Variants in TMEM132D observed in about 807,000 individuals in gnomAD.
TMEM132D encodes mature OL transmembrane protein.
TMEM132D carries 21 observed loss-of-function variants against 62.3 expected under a neutral mutation model. The observed-to-expected ratio is 0.34, with a 90% CI of 0.24 to 0.49. The LOEUF (loss-of-function observed/expected upper bound fraction) is 0.49. Ranked by LOEUF, TMEM132D falls within the 20% of genes least tolerant of loss-of-function variation. TMEM132D has a pLI of 0.99. For synonymous variants in TMEM132D, 621 were observed against 575.6 expected (o/e 1.08, Z -1.13); for missense variants, 1,346 against 1,402.8 (o/e 0.96, Z 0.65).
At chr12:129,171,973 C>A (rs945173502) in intron 5 of TMEM132D, among the ~76,000 whole-genome samples, 1 of 152,194 alleles carries the variant, frequency 6.6e-6, no homozygotes, top group African/African-American at 2.4e-5. Flanking sequence ...TCCTTTGGAG[C>A]TCTGAAGCCA....
intron 2 of TMEM132D, among the ~76,000 whole-genome samples, chr12:129,636,238 T>G (rs1056758532): frequency 3.3e-5 from 5 of 152,212 alleles, no homozygotes; most frequent in African/African-American, 1.2e-4. Flanking sequence ...ATCTACAGAA[T>G]GTAGGCCTTC....
chr12:129,209,272 G>A (rs527603745), intron 5 of TMEM132D, among the ~76,000 whole-genome samples: 6 of 152,250 alleles, frequency 3.9e-5, no homozygotes, highest in East Asian at 1.9e-4. Context: ...AAGGGCATTC[G>A]GCGAACACAG....
intron 3 of TMEM132D, among the ~76,000 whole-genome samples, chr12:129,509,969 C>T (rs1875450460): frequency 6.6e-6 from 1 of 152,182 alleles, no homozygotes; most frequent in South Asian, 2.1e-4. Flanking sequence ...GATTCCCTTT[C>T]TTTTGGGTAT....
intron 1 of TMEM132D, among the ~76,000 whole-genome samples, chr12:129,782,231 CCT>C (rs1871139792): frequency 6.6e-6 from 1 of 152,148 alleles, no homozygotes; most frequent in Non-Finnish European, 1.5e-5. Flanking sequence ...GTGAAAATTT[CCT>C]TTGAGCACCA....
rs555863100 is a variant in TMEM132D, at chr12:129,737,692, C to T, written c.80-36994G>A. On this transcript the variant is annotated intron_variant, in intron 1 of 8. Coordinates refer to ENST00000422113, the MANE Select transcript of TMEM132D (RefSeq NM_133448.3). ...CTGGCCCCTATAAAATTTGAATTTG[C>T]AGCATCACTCTAAAAGCAAAGGACC... 1.9e-4 allele frequency among the ~76,000 whole-genome samples: 29 copies of T among 152,346 alleles called. 1 individual carries two copies. The South Asian group carries it at 5.0e-3, about 26-fold the overall frequency.
intron 1 of TMEM132D, among the ~76,000 whole-genome samples, chr12:129,811,765 G>A (rs1872190684): frequency 6.6e-6 from 1 of 151,768 alleles, no homozygotes; most frequent in Non-Finnish European, 1.5e-5. Context: ...TGCTGGATTT[G>A]AAGATGGAGG....
intron 4 of TMEM132D, among the ~76,000 whole-genome samples, chr12:129,314,756 G>A (rs1868429041): frequency 6.6e-6 from 1 of 152,148 alleles, no homozygotes; most frequent in Admixed American, 6.5e-5. Context: ...CCATGAGCAT[G>A]GGATGTGTTT....
chr12:129,464,882 G>A (rs1223556578), intron 3 of TMEM132D, among the ~76,000 whole-genome samples: 3 of 151,752 alleles, frequency 2.0e-5, no homozygotes, highest in Non-Finnish European at 4.4e-5. Context: ...TAGCCTTGTA[G>A]TATAGTTTGA....
chr12:129,585,281 A>G (rs148256966), intron 2 of TMEM132D, among the ~76,000 whole-genome samples: 23 of 152,334 alleles, frequency 1.5e-4, no homozygotes, highest in African/African-American at 5.3e-4. Context: ...CATGTTCTAC[A>G]TAGCCAAGGA....
chr12:129,518,566 T>TACACAC (rs751466987), intron 3 of TMEM132D, among the ~76,000 whole-genome samples: 1 of 89,326 alleles, frequency 1.1e-5, no homozygotes, highest in Non-Finnish European at 3.2e-5. Flanking sequence ...TGTATATATA[T>TACACAC]ACACACACAC....
intron 2 of TMEM132D, among the ~76,000 whole-genome samples, chr12:129,652,851 G>A (rs367727427): frequency 3.3e-5 from 5 of 152,118 alleles, no homozygotes; most frequent in Admixed American, 2.6e-4. Context: ...TGCCAGACAC[G>A]TGCCAGGAAC....
intron 3 of TMEM132D, among the ~76,000 whole-genome samples, chr12:129,368,420 C>A (rs1225507973): frequency 6.6e-6 from 1 of 152,166 alleles, no homozygotes; most frequent in Non-Finnish European, 1.5e-5. Context: ...ACGTCTTTTG[C>A]ATTACCATTC....
intron 3 of TMEM132D, among the ~76,000 whole-genome samples, chr12:129,448,708 T>TA (rs1044293575): frequency 1.3e-5 from 2 of 152,186 alleles, no homozygotes; most frequent in Admixed American, 1.3e-4. Context: ...ATTCTTATTT[T>TA]AAAAAACTTT....
intron 2 of TMEM132D, among the ~76,000 whole-genome samples, chr12:129,542,696 G>GTA (rs1376318783): frequency 2.0e-5 from 3 of 151,926 alleles, no homozygotes; most frequent in East Asian, 1.9e-4. Flanking sequence ...GTATATGTAG[G>GTA]TATATATATA....
At chr12:129,586,924 TAAAC>T (rs1878046030) in intron 2 of TMEM132D, among the ~76,000 whole-genome samples, 1 of 152,036 alleles carries the variant, frequency 6.6e-6, no homozygotes, top group Non-Finnish European at 1.5e-5. Flanking sequence ...CCATGAACCA[TAAAC>T]AAAGCCCACT....
intron 5 of TMEM132D, among the ~76,000 whole-genome samples, chr12:129,124,049 T>A (rs1876142236): frequency 6.6e-6 from 1 of 152,220 alleles, no homozygotes; most frequent in Admixed American, 6.5e-5. Flanking sequence ...TGTCTATCTA[T>A]GTGCAGCCGA....
chr12:129,094,472 C>T (rs921422730), intron 5 of TMEM132D, among the ~76,000 whole-genome samples: 2 of 152,170 alleles, frequency 1.3e-5, no homozygotes, highest in African/African-American at 4.8e-5. Context: ...CAAATCAAAA[C>T]CACAATGCGA....
chr12:129,403,816 G>A (rs1360301251), intron 3 of TMEM132D, among the ~76,000 whole-genome samples: 3 of 152,178 alleles, frequency 2.0e-5, no homozygotes, highest in African/African-American at 7.2e-5. Context: ...AGGCAGAGGA[G>A]ACTCTGCAGA....
intron 2 of TMEM132D, among the ~76,000 whole-genome samples, chr12:129,567,667 T>TG (rs1024895686): frequency 6.6e-6 from 1 of 152,120 alleles, no homozygotes; most frequent in Non-Finnish European, 1.5e-5. Flanking sequence ...GATTTTCTTT[T>TG]GGGGGGGATA....
Sources: gnomAD v4.1 joint callset for allele counts (sites outside exome capture counted in the v4.1 genomes callset) on GRCh38, gnomAD v4.1.1 for gene constraint, MANE v1.5 for transcripts, NCBI Gene and HGNC (gene_info 2026-07-23, HGNC 2026-07-21) for gene names.